Variants in PLXNA4 observed in about 807,000 individuals in gnomAD.
PLXNA4 encodes plexin A4.
In PLXNA4, 44 loss-of-function variants were observed where a neutral mutation model predicts 191.8. That is an observed-to-expected ratio of 0.23 (90% CI 0.18 to 0.29). The LOEUF (loss-of-function observed/expected upper bound fraction) is 0.29. Among genes scored for constraint, PLXNA4 ranks in the 10% least tolerant of loss-of-function variants. PLXNA4 has a pLI of 1.00. For synonymous variants in PLXNA4, 1,082 were observed against 1,009.5 expected (o/e 1.07, Z -1.36); for missense variants, 1,800 against 2,488.8 (o/e 0.72, Z 5.89).
At chr7:132,134,753 G>A (rs57010768) in intron 30 of PLXNA4, among the ~76,000 whole-genome samples, 20,203 of 152,144 alleles carry the variant, frequency 0.13, 2,729 homozygotes, top group African/African-American at 0.34. Flanking sequence ...CAGACAGGCC[G>A]CCCTGCCCCC....
intron 3 of PLXNA4, among the ~76,000 whole-genome samples, chr7:132,362,670 GT>G (rs1485619615): frequency 2.6e-5 from 4 of 152,200 alleles, no homozygotes; most frequent in African/African-American, 9.6e-5. Flanking sequence ...CATGCTATGT[GT>G]ATGCCAACCT....
At chr7:132,189,895 G>A (rs950742653) in intron 14 of PLXNA4, among the ~76,000 whole-genome samples, 3 of 143,196 alleles carry the variant, frequency 2.1e-5, no homozygotes, top group Admixed American at 6.9e-5. Flanking sequence ...GAAAGAGACT[G>A]GTGTCCCTAG....
chr7:132,492,790 C>T (rs961041082), intron 2 of PLXNA4, among the ~76,000 whole-genome samples: 4 of 152,168 alleles, frequency 2.6e-5, no homozygotes, highest in South Asian at 2.1e-4. Context: ...GGCTATAGAG[C>T]GGGTAAGCTT....
At chr7:132,505,847 G>A (rs115713585) in intron 2 of PLXNA4, among the ~76,000 whole-genome samples, 4,191 of 152,006 alleles carry the variant, frequency 0.028, 209 homozygotes, top group African/African-American at 0.093. Context: ...CCATACCCCC[G>A]TAAGTTCACA....
intron 1 of PLXNA4, among the ~76,000 whole-genome samples, chr7:132,565,311 C>T (rs969506343): frequency 3.9e-5 from 6 of 152,116 alleles, no homozygotes; most frequent in Admixed American, 2.6e-4. Flanking sequence ...ATTAGAAGCT[C>T]GGTCTCTGTA....
chr7:132,547,655 G>A (rs1294989792), intron 1 of PLXNA4, among the ~76,000 whole-genome samples: 3 of 151,990 alleles, frequency 2.0e-5, no homozygotes, highest in Non-Finnish European at 4.4e-5. Flanking sequence ...AAGAATCAAG[G>A]GACAGACATT....
intron 3 of PLXNA4, among the ~76,000 whole-genome samples, chr7:132,363,176 G>A (rs1804017266): frequency 6.6e-6 from 1 of 152,124 alleles, no homozygotes. Flanking sequence ...GTAGAGATGG[G>A]ATTTCATCAT....
chr7:132,393,393 G>A (rs1432176508), intron 3 of PLXNA4, among the ~76,000 whole-genome samples: 2 of 152,044 alleles, frequency 1.3e-5, no homozygotes, highest in Non-Finnish European at 2.9e-5. Flanking sequence ...ATCCAGAGAG[G>A]CTGTATTGGC....
intron 3 of PLXNA4, among the ~76,000 whole-genome samples, chr7:132,413,638 T>G (rs1794550413): frequency 6.6e-6 from 1 of 152,256 alleles, no homozygotes; most frequent in Admixed American, 6.5e-5. Flanking sequence ...CGGTTCTGGT[T>G]GCCTGAAACT....
intron 1 of PLXNA4, among the ~76,000 whole-genome samples, chr7:132,545,702 GA>G (rs375879133): frequency 3.7e-4 from 54 of 147,758 alleles, no homozygotes; most frequent in Admixed American, 9.4e-4. Flanking sequence ...TGCAGGAAAA[GA>G]AAAAAAAAAT....
intron 2 of PLXNA4, among the ~76,000 whole-genome samples, chr7:132,637,046 A>G (rs1803623156): frequency 6.6e-6 from 1 of 152,270 alleles, no homozygotes; most frequent in Middle Eastern, 3.4e-3. Flanking sequence ...AAATGCTTGG[A>G]ATGACAAGGA....
chr7:132,185,144 A>G (rs564122494), intron 16 of PLXNA4, among the ~76,000 whole-genome samples, 155 bp downstream of exon 16: 19 of 152,278 alleles, frequency 1.2e-4, no homozygotes, highest in Admixed American at 1.0e-3. Flanking sequence ...AGGGAGCCAC[A>G]GTAGGAAGGT....
chr7:132,146,400 TG>T, intron 28 of PLXNA4, 109 bp downstream of exon 28: 1 of 1,567,876 alleles, frequency 6.4e-7, no homozygotes. Flanking sequence ...GGTAATAGAG[TG>T]GGCACCAGCA....
intron 14 of PLXNA4, among the ~76,000 whole-genome samples, chr7:132,188,998 G>GGA (rs1562908835): frequency 1.2e-4 from 6 of 51,002 alleles, no homozygotes; most frequent in East Asian, 7.4e-4. Context: ...GGAAAGGAGA[G>GGA]AGAGAGAGAG....
At chr7:132,190,673 G>A (rs1032503750) in intron 14 of PLXNA4, among the ~76,000 whole-genome samples, 2 of 152,170 alleles carry the variant, frequency 1.3e-5, no homozygotes, top group Admixed American at 6.5e-5. Context: ...AGGGGTGGGG[G>A]CCTGGCTGCA....
chr7:132,167,399 G>A (rs1482629465), intron 22 of PLXNA4, among the ~76,000 whole-genome samples: 23 of 152,196 alleles, frequency 1.5e-4, no homozygotes, highest in Admixed American at 1.3e-3. Flanking sequence ...TGTGCTGGGT[G>A]AGACATCACC....
At chr7:132,260,522 A>G (rs1799600532) in intron 4 of PLXNA4, among the ~76,000 whole-genome samples, 3 of 152,108 alleles carry the variant, frequency 2.0e-5, no homozygotes, top group Admixed American at 1.3e-4. Context: ...TAGAGTGGGG[A>G]GGATGAAAGG....
chr7:132,435,048 T>C (rs1436865903), intron 3 of PLXNA4, among the ~76,000 whole-genome samples: 2 of 152,146 alleles, frequency 1.3e-5, no homozygotes, highest in South Asian at 2.1e-4. Context: ...AGGACACTTG[T>C]TGGGGAGTCA....
intron 2 of PLXNA4, among the ~76,000 whole-genome samples, chr7:132,644,833 TA>T (rs1231928980): frequency 2.0e-5 from 3 of 152,168 alleles, no homozygotes; most frequent in Admixed American, 1.3e-4. Flanking sequence ...AAAGGACAAT[TA>T]GGACCTTGAG....
Sources: allele counts gnomAD v4.1 joint callset (sites outside exome capture counted in the v4.1 genomes callset), GRCh38; gene constraint gnomAD v4.1.1; transcripts MANE v1.5; gene names NCBI Gene and HGNC (gene_info 2026-07-23, HGNC 2026-07-21).